The following MCTP1 variants were observed in gnomAD, a reference collection of about 807,000 sequenced individuals.
MCTP1 encodes the protein multiple C2 and transmembrane domain containing 1.
A neutral mutation model predicts 120.6 loss-of-function variants in MCTP1; 69 were observed. The ratio of observed to expected loss-of-function variants is 0.57; its 90% CI spans 0.47 to 0.70. The LOEUF (loss-of-function observed/expected upper bound fraction) is 0.70, where lower values mean the gene tolerates loss of function less well. Among genes scored for constraint, MCTP1 ranks in the 30% least tolerant of loss-of-function variants. The pLI, the probability that MCTP1 is intolerant of heterozygous loss-of-function variation, is 0.00. For synonymous variants in MCTP1, 529 were observed against 493.1 expected (o/e 1.07, Z -0.96); for missense variants, 1,203 against 1,248.8 (o/e 0.96, Z 0.55).
chr5:95,005,773 T>TA (rs1461625758), intron 2 of MCTP1, among the ~76,000 whole-genome samples: 1 of 136,568 alleles, frequency 7.3e-6, no homozygotes, highest in Non-Finnish European at 1.6e-5. Flanking sequence ...TTTCTTTATT[T>TA]TTTTTTTTTT....
chr5:94,939,208 G>C (rs754211644), intron 5 of MCTP1, among the ~76,000 whole-genome samples: 12 of 151,990 alleles, frequency 7.9e-5, no homozygotes, highest in Non-Finnish European at 1.5e-4. Context: ...CAGTCTAGGG[G>C]AAAACGCCAA....
chr5:94,806,219 G>T (rs1239969977), intron 17 of MCTP1, among the ~76,000 whole-genome samples: 1 of 151,938 alleles, frequency 6.6e-6, no homozygotes, highest in Non-Finnish European at 1.5e-5. Flanking sequence ...TTTAGAAGAG[G>T]TTAGCAAGGT....
intron 19 of MCTP1, among the ~76,000 whole-genome samples, chr5:94,746,395 G>T (rs776287647): frequency 1.2e-4 from 18 of 151,958 alleles, no homozygotes; most frequent in Non-Finnish European, 2.4e-4. Flanking sequence ...TCTTTTACAC[G>T]GTAAACCCCT....
At position 94,947,577 on chromosome 5, in the gene MCTP1, T is replaced by TATATATATATATATAGAGAGAGAGAG; in HGVS notation, c.982-5151_982-5150insCTCTCTCTCTCTATATATATATATAT. Among the ~76,000 whole-genome samples, 5 of 47,398 alleles carry TATATATATATATATAGAGAGAGAGAG rather than the reference T, an allele frequency of 1.1e-4. 1 individual carries two copies. The highest frequency in any genetic ancestry group is 2.5e-4 in the Admixed American group (1 of 3,950). The allele number at this position is 47,398 out of a possible 152,430, so 31.1% of individuals were successfully genotyped here. A position where few individuals can be genotyped will look rare whatever the true frequency, so the allele number is the denominator to read the frequency against. On this transcript the variant is annotated intron_variant, in intron 3 of 22. Coordinates refer to ENST00000515393, the MANE Select transcript of MCTP1 (RefSeq NM_024717.7). ...CTAAATATATATATATATATATATA[T>TATATATATATATATAGAGAGAGAGAG]AGAGAGAGAGAGAGAGAGAGAGAGA... is the stretch of plus-strand genomic sequence containing the variant.
At chr5:95,011,542 G>A (rs1384813849) in intron 2 of MCTP1, among the ~76,000 whole-genome samples, 1 of 152,054 alleles carries the variant, frequency 6.6e-6, no homozygotes, top group African/African-American at 2.4e-5. Context: ...TTTCCTCCAT[G>A]CTGTTCTCAT....
rs184971804 is a variant in MCTP1, at chr5:94,918,378, A to G, written c.1273-405T>C. 3.8e-3 allele frequency among the ~76,000 whole-genome samples: 586 copies of G among 152,342 alleles called. 3 individuals are homozygous for G. Among genetic ancestry groups the G allele is most frequent in the African/African-American group, 0.013 (552 of 41,580 alleles). ...AATAGTGATAAGCTTTCAGAAAAAT[A>G]AATGTGACATGAATAGGCAAAAACT... On this transcript the variant is annotated intron_variant, in intron 7 of 22. Coordinates refer to ENST00000515393, the MANE Select transcript of MCTP1 (RefSeq NM_024717.7).
chr5:94,853,768 T>A (rs1167353666), intron 17 of MCTP1, among the ~76,000 whole-genome samples: 1 of 151,918 alleles, frequency 6.6e-6, no homozygotes, highest in Non-Finnish European at 1.5e-5. Flanking sequence ...TGCTTGTACA[T>A]AAGAACTTGG....
At chr5:94,798,015 T>TC (rs1445236430) in intron 18 of MCTP1, among the ~76,000 whole-genome samples, 2 of 151,946 alleles carry the variant, frequency 1.3e-5, no homozygotes, top group Non-Finnish European at 2.9e-5. Flanking sequence ...TAATTCTGCA[T>TC]AATTATGGGC....
chr5:94,751,186 A>G (rs989876412), intron 19 of MCTP1, among the ~76,000 whole-genome samples: 7 of 152,194 alleles, frequency 4.6e-5, no homozygotes, highest in African/African-American at 1.7e-4. Flanking sequence ...AGAGCGACCA[A>G]GGGCCTTTCT....
intron 1 of MCTP1, among the ~76,000 whole-genome samples, chr5:95,131,656 T>G (rs1759054848): frequency 6.6e-6 from 1 of 151,168 alleles, no homozygotes; most frequent in South Asian, 2.1e-4. Flanking sequence ...TTTACTTATT[T>G]CATTTACTCT....
chr5:95,057,854 T>C (rs1747834613), intron 1 of MCTP1, among the ~76,000 whole-genome samples: 1 of 152,028 alleles, frequency 6.6e-6, no homozygotes, highest in Non-Finnish European at 1.5e-5. Flanking sequence ...AGAATGGGGG[T>C]TAATGGTGGA....
At chr5:94,737,840 T>C (rs2152735351) in intron 19 of MCTP1, among the ~76,000 whole-genome samples, 1 of 152,142 alleles carries the variant, frequency 6.6e-6, no homozygotes, top group East Asian at 1.9e-4. Flanking sequence ...CCACACTTGG[T>C]TAATTTTTTT....
intron 12 of MCTP1, among the ~76,000 whole-genome samples, chr5:94,876,494 T>C (rs1028184838): frequency 3.9e-5 from 6 of 152,130 alleles, no homozygotes; most frequent in Non-Finnish European, 7.4e-5. Flanking sequence ...GAAGGCAGCA[T>C]CCAAAGTTGA....
At position 95,284,602 on chromosome 5, in the gene MCTP1, CT is replaced by C; in HGVS notation, c.-28del. ...CTCCACCCCCTGCTCCTCCTCTCCC[CT>C]CCTCCTCCTCCTCCTCCTCCTGCTT... On this transcript the variant is annotated 5_prime_UTR_variant, in exon 1 of 23. Coordinates refer to ENST00000515393, the MANE Select transcript of MCTP1 (RefSeq NM_024717.7). The surrounding 1 kb of genome is among the most constrained non-coding windows in gnomAD (Gnocchi z 5.2). The C allele has an allele frequency of 9.6e-7, 1 of 1,046,598 alleles. No homozygotes were observed. Among genetic ancestry groups the C allele is most frequent in the Non-Finnish European group, 1.2e-6 (1 of 818,656 alleles). The allele number at this position is 1,046,598 out of a possible 1,614,324, so 64.8% of individuals were successfully genotyped here. A position where few individuals can be genotyped will look rare whatever the true frequency, so the allele number is the denominator to read the frequency against.
chr5:95,245,408 G>A (rs1045821832), intron 1 of MCTP1, among the ~76,000 whole-genome samples: 5 of 152,100 alleles, frequency 3.3e-5, no homozygotes, highest in Admixed American at 6.5e-5. Context: ...CTAACCCATC[G>A]CAAGGAAACT....
chr5:94,851,227 C>T (rs1330561475), intron 17 of MCTP1, among the ~76,000 whole-genome samples: 1 of 152,006 alleles, frequency 6.6e-6, no homozygotes, highest in East Asian at 1.9e-4. Flanking sequence ...TGCATTTTCC[C>T]TTCAATTATA....
chr5:95,251,040 C>G lies in MCTP1; in HGVS notation c.720+32816G>C, dbSNP rs140622348. ...AGATTTAGCAAAGAAAGCCCATGCT[C>G]TCATGAAACTTACTTTTGGTAAACA... is the stretch of plus-strand genomic sequence containing the variant. On this transcript the variant is annotated intron_variant, in intron 1 of 22. Transcript: ENST00000515393. Among the ~76,000 whole-genome samples the G allele has an allele frequency of 7.2e-5, 11 of 152,208 alleles. No individual in the cohort carries two copies. In the East Asian group the frequency reaches 2.1e-3, roughly 29 times the overall value.
intron 9 of MCTP1, 96 bp from the exon 10 acceptor site, chr5:94,909,477 T>A: frequency 8.3e-7 from 1 of 1,202,980 alleles, no homozygotes; most frequent in African/African-American, 1.6e-5. Flanking sequence ...CTATAGTATC[T>A]AGAAAAGCAC....
At chr5:94,906,850 C>T (rs1807049822) in intron 10 of MCTP1, among the ~76,000 whole-genome samples, 1 of 152,150 alleles carries the variant, frequency 6.6e-6, no homozygotes, top group Non-Finnish European at 1.5e-5. Context: ...TTTAAACTTA[C>T]TCACAAGCCT....
Sources: allele counts gnomAD v4.1 joint callset (sites outside exome capture counted in the v4.1 genomes callset), GRCh38; gene constraint gnomAD v4.1.1; non-coding constraint Gnocchi (gnomAD v3.1); transcripts MANE v1.5; gene names NCBI Gene and HGNC (gene_info 2026-07-23, HGNC 2026-07-21).